BAZ2B: variants seen among roughly 807,000 people sequenced by gnomAD.
The protein encoded by BAZ2B is bromodomain adjacent to zinc finger domain protein 2B.
Under a neutral mutation model 246.0 loss-of-function variants are expected in BAZ2B, and 91 were observed. That is an observed-to-expected ratio of 0.37 (90% CI 0.31 to 0.44). The LOEUF (loss-of-function observed/expected upper bound fraction) is 0.44, where lower values mean the gene tolerates loss of function less well. BAZ2B is among the 20% of genes least tolerant of loss of function. The pLI is 1.00. For missense variants in BAZ2B, 2,332 were observed against 2,533.7 expected (o/e 0.92, Z 1.71); for synonymous variants, 855 against 860.0 (o/e 0.99, Z 0.10).
intron 3 of BAZ2B, among the ~76,000 whole-genome samples, chr2:159,467,892 T>C (rs1277537390): frequency 6.6e-6 from 1 of 152,162 alleles, no homozygotes; most frequent in East Asian, 1.9e-4. Flanking sequence ...CACATAGTTA[T>C]AACTACAGAT....
At chr2:159,651,609 C>G in the BAZ2B span, among the ~76,000 whole-genome samples, 1 of 151,920 alleles carries the variant, frequency 6.6e-6, no homozygotes, top group East Asian at 1.9e-4. Flanking sequence ...TAAAACTTAC[C>G]CCTTTGAAAT....
At chr2:159,452,959 A>G (rs1183780658) in intron 4 of BAZ2B, among the ~76,000 whole-genome samples, 1 of 152,010 alleles carries the variant, frequency 6.6e-6, no homozygotes, top group African/African-American at 2.4e-5. Context: ...AATTAGCCAG[A>G]CATGATGGTG....
rs907653096 is a variant in BAZ2B at position 159,359,054 on chromosome 2, G to A, written c.4214-8697C>T. ...AACATCACAATTAAAAGAACTGAGA[G>A]GCAAGAGCAAACACATTCAAAAGCT... is the stretch of plus-strand genomic sequence containing the variant. On this transcript the variant is annotated intron_variant, in intron 27 of 36. Coordinates refer to ENST00000392783, the MANE Select transcript of BAZ2B (RefSeq NM_013450.4). 4.5e-4 allele frequency among the ~76,000 whole-genome samples: 69 copies of A among 152,000 alleles called. 1 individual carries two copies. The highest frequency in any genetic ancestry group is 1.4e-3 in the African/African-American group (58 of 41,490).
intron 36 of BAZ2B, among the ~76,000 whole-genome samples, chr2:159,322,502 T>C (rs752255327): frequency 5.9e-5 from 9 of 152,242 alleles, no homozygotes; most frequent in Non-Finnish European, 1.3e-4. Flanking sequence ...AATGGAATCA[T>C]ACAATCTGTG....
intron 25 of BAZ2B, among the ~76,000 whole-genome samples, chr2:159,375,912 T>A (rs1488031292): frequency 1.3e-5 from 2 of 152,202 alleles, no homozygotes; most frequent in African/African-American, 4.8e-5. Flanking sequence ...ACTATATACT[T>A]GATATACTTG....
chr2:159,651,435 T>G, the BAZ2B span, among the ~76,000 whole-genome samples: 2 of 152,198 alleles, frequency 1.3e-5, no homozygotes. Flanking sequence ...ACCTTGTATA[T>G]TCTCATAATC....
chr2:159,441,970 G>C (rs1390280190), intron 6 of BAZ2B, among the ~76,000 whole-genome samples: 2 of 152,170 alleles, frequency 1.3e-5, no homozygotes, highest in Non-Finnish European at 2.9e-5. Context: ...AGGCTATGAT[G>C]TACCAGGCAT....
rs1261647741 is a variant in BAZ2B, at chr2:159,410,606, T to C, written c.2677+1729A>G. 2.0e-5 allele frequency among the ~76,000 whole-genome samples: 3 copies of C among 152,308 alleles called. No homozygotes were observed. In the East Asian group the frequency reaches 5.8e-4, roughly 29 times the overall value. The stretch of plus-strand genomic sequence containing the variant: ...CGAAACTGTGAGTCAATTAAACTTC[T>C]TCCTTTATAAATTACCCAGTCTCGG... On this transcript the variant is annotated intron_variant, in intron 14 of 36. Transcript: ENST00000392783.
intron 2 of BAZ2B, among the ~76,000 whole-genome samples, chr2:159,505,043 GAAT>G (rs919219243): frequency 1.3e-5 from 2 of 152,046 alleles, no homozygotes; most frequent in South Asian, 2.1e-4. Flanking sequence ...GATGGACAAA[GAAT>G]AATATTATGA....
downstream of BAZ2B, among the ~76,000 whole-genome samples, chr2:159,315,864 T>C (rs2062056609): frequency 6.6e-6 from 1 of 152,196 alleles, no homozygotes; most frequent in African/African-American, 2.4e-5. Context: ...TAGGTTTTCA[T>C]TTCTAGAGGA....
chr2:159,601,886 G>A (rs976569086), intron 1 of BAZ2B, among the ~76,000 whole-genome samples: 4 of 152,148 alleles, frequency 2.6e-5, no homozygotes, highest in Non-Finnish European at 4.4e-5. Context: ...GCAAATAGTA[G>A]TCAGCTTAAT....
chr2:159,474,165 T>A (rs2078197175), intron 3 of BAZ2B, among the ~76,000 whole-genome samples: 1 of 152,192 alleles, frequency 6.6e-6, no homozygotes, highest in African/African-American at 2.4e-5. Context: ...GGTGTTTAAG[T>A]CATCCACTGT....
chr2:159,588,928 C>G (rs1393435591), intron 1 of BAZ2B, among the ~76,000 whole-genome samples: 1 of 152,092 alleles, frequency 6.6e-6, no homozygotes, highest in African/African-American at 2.4e-5. Context: ...GGGAGATATA[C>G]ATAAGCAAAA....
intron 2 of BAZ2B, among the ~76,000 whole-genome samples, chr2:159,483,337 A>T (rs535821847): frequency 1.3e-5 from 2 of 152,176 alleles, no homozygotes; most frequent in East Asian, 3.9e-4. Context: ...AACTGAGACT[A>T]CAGGTACCTG....
At chr2:159,439,997 A>C (rs1230802214) in intron 6 of BAZ2B, among the ~76,000 whole-genome samples, 1 of 152,204 alleles carries the variant, frequency 6.6e-6, no homozygotes, top group Non-Finnish European at 1.5e-5. Flanking sequence ...TGTGTTCAAG[A>C]AAACATAATA....
At chr2:159,400,363 A>G (rs1357752480) in intron 17 of BAZ2B, among the ~76,000 whole-genome samples, 2 of 152,144 alleles carry the variant, frequency 1.3e-5, no homozygotes, top group African/African-American at 4.8e-5. Context: ...TGACAACTCC[A>G]CTGACTGCTC....
intron 2 of BAZ2B, among the ~76,000 whole-genome samples, chr2:159,527,029 A>C (rs1214975300): frequency 1.3e-5 from 2 of 151,100 alleles, no homozygotes; most frequent in Non-Finnish European, 2.9e-5. Context: ...AATGTATGAG[A>C]GTCTGATTTC....
the BAZ2B span, among the ~76,000 whole-genome samples, chr2:159,675,143 T>C: frequency 6.6e-6 from 1 of 152,180 alleles, no homozygotes; most frequent in African/African-American, 2.4e-5. Flanking sequence ...GGCTCTTACT[T>C]GTAATCCTAG....
At chr2:159,512,088 TTCCC>T (rs1433165889) in intron 2 of BAZ2B, among the ~76,000 whole-genome samples, 1 of 152,188 alleles carries the variant, frequency 6.6e-6, no homozygotes, top group Non-Finnish European at 1.5e-5. Flanking sequence ...TTTCTACCTA[TTCCC>T]TCAGTATATA....
Sources: allele counts gnomAD v4.1 joint callset (sites outside exome capture counted in the v4.1 genomes callset), GRCh38; gene constraint gnomAD v4.1.1; transcripts MANE v1.5; gene names NCBI Gene and HGNC (gene_info 2026-07-23, HGNC 2026-07-21).